The following UNC5D variants were observed in gnomAD, a reference collection of about 807,000 sequenced individuals.
UNC5D encodes the protein netrin receptor UNC5D.
Under a neutral mutation model 105.4 loss-of-function variants are expected in UNC5D, and 39 were observed. The ratio of observed to expected loss-of-function variants is 0.37; its 90% CI spans 0.29 to 0.48. UNC5D has a LOEUF of 0.48. Among genes scored for constraint, UNC5D ranks in the 20% least tolerant of loss-of-function variants. UNC5D has a pLI of 0.98. For synonymous variants in UNC5D, 452 were observed against 450.4 expected (o/e 1.00, Z -0.04); for missense variants, 991 against 1,202.4 (o/e 0.82, Z 2.60).
chr8:35,580,572 C>G (rs1818416846), intron 3 of UNC5D, among the ~76,000 whole-genome samples: 1 of 151,856 alleles, frequency 6.6e-6, no homozygotes, highest in Non-Finnish European at 1.5e-5. Flanking sequence ...AGAACAGGCA[C>G]TAGGAGACCC....
chr8:35,645,655 T>A (rs1267393583), intron 4 of UNC5D, among the ~76,000 whole-genome samples: 1 of 151,986 alleles, frequency 6.6e-6, no homozygotes, highest in Non-Finnish European at 1.5e-5. Flanking sequence ...ACTTTCCTGC[T>A]GTAGCATTAT....
intron 1 of UNC5D, among the ~76,000 whole-genome samples, chr8:35,358,886 C>A (rs556652811): frequency 1.3e-5 from 2 of 152,256 alleles, no homozygotes; most frequent in East Asian, 1.9e-4. Flanking sequence ...TCACAGTAAG[C>A]TTTTATTGGC....
chr8:35,585,586 T>C (rs1360467098), intron 3 of UNC5D, among the ~76,000 whole-genome samples: 1 of 151,838 alleles, frequency 6.6e-6, no homozygotes, highest in Non-Finnish European at 1.5e-5. Context: ...TCTAGAAATA[T>C]GGCAATAAAC....
At chr8:35,553,210 C>G (rs1387488274) in intron 2 of UNC5D, among the ~76,000 whole-genome samples, 1 of 152,162 alleles carries the variant, frequency 6.6e-6, no homozygotes, top group Non-Finnish European at 1.5e-5. Context: ...ACAGTGCACC[C>G]TCTTCTAATT....
chr8:35,285,366 G>A (rs1360496364), intron 1 of UNC5D, among the ~76,000 whole-genome samples: 1 of 152,214 alleles, frequency 6.6e-6, no homozygotes, highest in Non-Finnish European at 1.5e-5. Flanking sequence ...GTATTTGGAA[G>A]ATAACCGTTG....
intron 4 of UNC5D, among the ~76,000 whole-genome samples, chr8:35,670,466 C>CATCA (rs1222718441): frequency 6.6e-6 from 1 of 152,102 alleles, no homozygotes; most frequent in Non-Finnish European, 1.5e-5. Context: ...CCCAAATGCC[C>CATCA]ATCAGTGATA....
intron 4 of UNC5D, among the ~76,000 whole-genome samples, chr8:35,675,993 C>G (rs973066797): frequency 5.9e-5 from 9 of 151,738 alleles, no homozygotes; most frequent in Non-Finnish European, 1.2e-4. Context: ...TAAGCCAGGT[C>G]TCAGGTAAGA....
chr8:35,409,898 G>C (rs1312316869), intron 1 of UNC5D, among the ~76,000 whole-genome samples: 2 of 148,988 alleles, frequency 1.3e-5, no homozygotes, highest in Non-Finnish European at 3.0e-5. Context: ...AGTCAGTTTT[G>C]TATAAATTAT....
At chr8:35,739,288 G>A (rs1563722699) in intron 11 of UNC5D, among the ~76,000 whole-genome samples, 1 of 151,956 alleles carries the variant, frequency 6.6e-6, no homozygotes, top group Admixed American at 6.6e-5. Flanking sequence ...TTAACCCACC[G>A]CCGGCCCCCA....
At chr8:35,276,722 C>T (rs1470232499) in intron 1 of UNC5D, among the ~76,000 whole-genome samples, 1 of 152,158 alleles carries the variant, frequency 6.6e-6, no homozygotes, top group Admixed American at 6.5e-5. Flanking sequence ...GCCTCCATAG[C>T]AACTGTTTCA....
chr8:35,522,007 C>T (rs963492217), intron 1 of UNC5D, among the ~76,000 whole-genome samples: 1 of 152,146 alleles, frequency 6.6e-6, no homozygotes, highest in African/African-American at 2.4e-5. Flanking sequence ...AACTTAACAT[C>T]CCCGGAGGAA....
chr8:35,254,605 T>C (rs1803946668), intron 1 of UNC5D: 1 of 152,250 alleles, frequency 6.6e-6, no homozygotes, highest in Non-Finnish European at 1.5e-5. Flanking sequence ...CACAATATAC[T>C]GATTTGCACC....
chr8:35,705,317 T>C lies in UNC5D; in HGVS notation c.1085-612T>C, dbSNP rs566843067. 7.9e-5 allele frequency among the ~76,000 whole-genome samples: 12 copies of C among 152,294 alleles called. No individual in the cohort carries two copies. The South Asian group carries it at 1.7e-3, about 21-fold the overall frequency. Reference sequence around the variant, plus strand: ...CTCATGGGTGCACTGCTAAATACTGTGATTATAAAATGACAACTTTTCCAT... The same window carrying C: ...CTCATGGGTGCACTGCTAAATACTGCGATTATAAAATGACAACTTTTCCAT... On this transcript the variant is annotated intron_variant, in intron 7 of 16. Coordinates refer to ENST00000404895, the MANE Select transcript of UNC5D (RefSeq NM_080872.4).
intron 1 of UNC5D, among the ~76,000 whole-genome samples, chr8:35,359,201 A>G (rs984186664): frequency 6.6e-6 from 1 of 152,226 alleles, no homozygotes; most frequent in Non-Finnish European, 1.5e-5. Context: ...AAGGTAGTAT[A>G]TTTGTTTTTG....
chr8:35,409,458 G>T (rs181907871), intron 1 of UNC5D, among the ~76,000 whole-genome samples: 1 of 149,358 alleles, frequency 6.7e-6, no homozygotes, highest in East Asian at 1.9e-4. Context: ...GGTGGATACT[G>T]GTTTCTCATG....
intron 1 of UNC5D, among the ~76,000 whole-genome samples, chr8:35,363,859 G>A (rs1443986649): frequency 6.6e-6 from 1 of 151,984 alleles, no homozygotes; most frequent in African/African-American, 2.4e-5. Flanking sequence ...AGTTAATACT[G>A]TGTTTTTTGC....
At chr8:35,671,246 A>G (rs955198421) in intron 4 of UNC5D, among the ~76,000 whole-genome samples, 5 of 152,316 alleles carry the variant, frequency 3.3e-5, no homozygotes, top group Non-Finnish European at 7.4e-5. Flanking sequence ...ATATTCTAAT[A>G]TAAATGTATA....
chr8:35,756,497 G>A (rs1469126297), intron 13 of UNC5D, among the ~76,000 whole-genome samples: 3 of 147,736 alleles, frequency 2.0e-5, no homozygotes, highest in African/African-American at 7.5e-5. Flanking sequence ...CTGCACCAGT[G>A]AAAAATCATT....
intron 8 of UNC5D, among the ~76,000 whole-genome samples, chr8:35,710,598 A>G (rs1287260577): frequency 6.6e-6 from 1 of 152,174 alleles, no homozygotes; most frequent in Admixed American, 6.6e-5. Context: ...CTTAGGTTGG[A>G]TGAGATCACT....
Sources: gnomAD v4.1 joint callset for allele counts (sites outside exome capture counted in the v4.1 genomes callset) on GRCh38, gnomAD v4.1.1 for gene constraint, MANE v1.5 for transcripts, NCBI Gene and HGNC (gene_info 2026-07-23, HGNC 2026-07-21) for gene names.